RORA: variants seen among roughly 807,000 people sequenced by gnomAD.
RORA encodes RAR related orphan receptor A.
Under a neutral mutation model 69.5 loss-of-function variants are expected in RORA, and 7 were observed. That is an observed-to-expected ratio of 0.10 (90% confidence interval 0.06 to 0.19). The LOEUF (loss-of-function observed/expected upper bound fraction) is 0.19, where lower values mean the gene tolerates loss of function less well. Ranked by LOEUF, RORA falls within the 10% of genes least tolerant of loss-of-function variation. The pLI is 1.00. For synonymous variants in RORA, 261 were observed against 240.8 expected (o/e 1.08, Z -0.78); for missense variants, 457 against 663.0 (o/e 0.69, Z 3.41).
At chr15:60,594,498 C>T (rs12913341) in intron 2 of RORA, among the ~76,000 whole-genome samples, 2 of 152,162 alleles carry the variant, frequency 1.3e-5, no homozygotes, top group South Asian at 2.1e-4. Flanking sequence ...ATATACAACT[C>T]GGATGATTCA....
At chr15:60,703,455 G>A (rs925920628) in intron 1 of RORA, among the ~76,000 whole-genome samples, 5 of 152,018 alleles carry the variant, frequency 3.3e-5, no homozygotes, top group Admixed American at 6.6e-5. Context: ...AACATAGAAC[G>A]CACAGAGAAC....
rs147719101 is a variant in RORA, at chr15:60,844,028, A to G, written c.167-165342T>C. Among the ~76,000 whole-genome samples, 453 of 152,206 alleles carry G rather than the reference A, an allele frequency of 3.0e-3. 2 individuals are homozygous for G. The highest frequency in any genetic ancestry group is 0.011 in the African/African-American group (436 of 41,514). The stretch of plus-strand genomic sequence containing the variant: ...TTTGGTTATTCTCTCCACCAGGAAT[A>G]TCTTCCCCTCTTTAACTGGCAAACC... On this transcript the variant is annotated intron_variant, in intron 1 of 10. Transcript: ENST00000335670.
At chr15:60,864,257 C>T (rs2073462276) in intron 1 of RORA, among the ~76,000 whole-genome samples, 1 of 152,154 alleles carries the variant, frequency 6.6e-6, no homozygotes, top group Non-Finnish European at 1.5e-5. Context: ...AAAACAATTA[C>T]TCTGTTATAA....
intron 1 of RORA, among the ~76,000 whole-genome samples, chr15:60,884,337 T>A (rs533146085): frequency 9.9e-5 from 15 of 152,168 alleles, no homozygotes; most frequent in Non-Finnish European, 1.9e-4. Context: ...TGTAGAATTT[T>A]TTTTTTTTTT....
chr15:60,801,228 A>G (rs1348326303), intron 1 of RORA, among the ~76,000 whole-genome samples: 6 of 152,204 alleles, frequency 3.9e-5, no homozygotes, highest in Non-Finnish European at 5.9e-5. Flanking sequence ...GAAAGGTTCA[A>G]TTAGGAATTA....
chr15:61,137,250 A>C (rs1333530322), intron 1 of RORA, among the ~76,000 whole-genome samples: 1 of 152,096 alleles, frequency 6.6e-6, no homozygotes, highest in African/African-American at 2.4e-5. Flanking sequence ...AACATGTTTT[A>C]TTTCTCTCCA....
At chr15:60,858,880 G>T (rs945987133) in intron 1 of RORA, among the ~76,000 whole-genome samples, 1 of 151,942 alleles carries the variant, frequency 6.6e-6, no homozygotes, top group East Asian at 1.9e-4. Flanking sequence ...CATCTCAAAC[G>T]CTCTAATTAG....
At chr15:60,784,374 G>C (rs1479212639) in intron 1 of RORA, among the ~76,000 whole-genome samples, 1 of 152,174 alleles carries the variant, frequency 6.6e-6, no homozygotes, top group African/African-American at 2.4e-5. Flanking sequence ...GGGGGAGATG[G>C]AGATTCTGGA....
intron 2 of RORA, among the ~76,000 whole-genome samples, chr15:60,616,618 T>C (rs1384416447): frequency 6.6e-6 from 1 of 152,200 alleles, no homozygotes; most frequent in Non-Finnish European, 1.5e-5. Context: ...GAAATTCTGA[T>C]CTTGGAACAG....
chr15:61,132,621 G>T (rs2079201256), intron 1 of RORA, among the ~76,000 whole-genome samples: 1 of 152,038 alleles, frequency 6.6e-6, no homozygotes, highest in Non-Finnish European at 1.5e-5. Context: ...ATAACTTAGG[G>T]TTTGTTCTTT....
intron 5 of RORA, among the ~76,000 whole-genome samples, chr15:60,510,028 T>C (rs1450135350): frequency 6.6e-6 from 1 of 152,196 alleles, no homozygotes; most frequent in African/African-American, 2.4e-5. Flanking sequence ...ACTGGAAATA[T>C]AAATTTTCAC....
At chr15:60,831,558 C>G (rs1350011482) in intron 1 of RORA, among the ~76,000 whole-genome samples, 1 of 152,180 alleles carries the variant, frequency 6.6e-6, no homozygotes, top group Admixed American at 6.5e-5. Context: ...CCTAGAAGCT[C>G]ACAGTTATAT....
At chr15:60,563,340 C>A (rs1191058492) in intron 2 of RORA, among the ~76,000 whole-genome samples, 1 of 152,208 alleles carries the variant, frequency 6.6e-6, no homozygotes, top group Non-Finnish European at 1.5e-5. Context: ...CCTCTTCTTG[C>A]ACTTTGGCCT....
At chr15:60,771,155 C>A (rs1417589537) in intron 1 of RORA, among the ~76,000 whole-genome samples, 1 of 149,796 alleles carries the variant, frequency 6.7e-6, no homozygotes, top group Non-Finnish European at 1.5e-5. Flanking sequence ...ACTCTCTTTT[C>A]TTTCTGCCTT....
At chr15:60,618,102 A>T (rs1306144150) in intron 2 of RORA, among the ~76,000 whole-genome samples, 2 of 152,218 alleles carry the variant, frequency 1.3e-5, no homozygotes, top group Admixed American at 1.3e-4. Flanking sequence ...TGTTCTTTTA[A>T]TAGTTATCCA....
intron 1 of RORA, among the ~76,000 whole-genome samples, chr15:61,125,517 A>C (rs895047514): frequency 3.9e-5 from 6 of 152,266 alleles, no homozygotes; most frequent in African/African-American, 1.2e-4. Flanking sequence ...TCAGTTATAC[A>C]GTATATCAGA....
At chr15:61,161,376 G>C (rs754655591) in intron 1 of RORA, among the ~76,000 whole-genome samples, 4 of 152,204 alleles carry the variant, frequency 2.6e-5, no homozygotes, top group South Asian at 4.1e-4. Context: ...GGATTTGAGA[G>C]ACCTGGGTTC....
intron 2 of RORA, among the ~76,000 whole-genome samples, chr15:60,613,785 C>G (rs1394833575): frequency 1.5e-5 from 2 of 137,274 alleles, no homozygotes; most frequent in Admixed American, 7.4e-5. Context: ...AAAAAGGTGT[C>G]AAAGGGAAAG....
chr15:61,159,346 C>T (rs1309093787), intron 1 of RORA, among the ~76,000 whole-genome samples: 1 of 152,162 alleles, frequency 6.6e-6, no homozygotes, highest in Non-Finnish European at 1.5e-5. Context: ...ATCATTTAAC[C>T]TGAGAGATAA....
Sources: allele counts gnomAD v4.1 joint callset (sites outside exome capture counted in the v4.1 genomes callset), GRCh38; gene constraint gnomAD v4.1.1; transcripts MANE v1.5; gene names NCBI Gene and HGNC (gene_info 2026-07-23, HGNC 2026-07-21).